NME4: variants seen among roughly 807,000 people sequenced by gnomAD.
NME4 encodes nucleoside diphosphate kinase D, mitochondrial.
NME4 carries 21 observed loss-of-function variants against 16.4 expected under a neutral mutation model. The ratio of observed to expected loss-of-function variants is 1.28; its 90% confidence interval spans 0.91 to 1.84. The LOEUF is 1.84. Among genes scored for constraint, NME4 ranks in the 40% most tolerant of loss-of-function variants. The pLI, the probability that NME4 is intolerant of heterozygous loss-of-function variation, is 0.00. For missense variants in NME4, 316 were observed against 261.3 expected (o/e 1.21, Z -1.44); for synonymous variants, 132 against 107.5 (o/e 1.23, Z -1.41).
intron 4 of NME4, 83 bp from the exon 5 acceptor site, chr16:400,136 G>A: frequency 6.6e-7 from 1 of 1,504,910 alleles, no homozygotes; most frequent in African/African-American, 1.5e-5. Context: ...TAGACAGAGG[G>A]CAACGGGAGC....
Position 400,344 on chromosome 16 carries a change from G to A in NME4, c.*2G>A, listed in dbSNP as rs1307692970. ...CACAGCAGCATCCACCCAGCCTGAG[G>A]CTCAAGCTGCCCTTACCACCCCATC... is the stretch of plus-strand genomic sequence containing the variant. On this transcript the variant is annotated 3_prime_UTR_variant, in exon 5 of 5. Transcript: ENST00000219479. 2 of 1,599,614 alleles carry A rather than the reference G, an allele frequency of 1.3e-6. No individual in the cohort carries two copies. Among genetic ancestry groups the A allele is most frequent in the Middle Eastern group, 2.2e-4 (1 of 4,478 alleles).
At chr16:398,779 G>A in intron 1 of NME4, 2 of 648,698 alleles carry the variant, frequency 3.1e-6, no homozygotes, top group East Asian at 5.6e-5. Flanking sequence ...GAGGCTAGAA[G>A]CCCTGGGGAC....
At chr16:399,805 C>A in intron 4 of NME4, 66 bp downstream of exon 4, 1 of 1,334,772 alleles carries the variant, frequency 7.5e-7, no homozygotes. Context: ...GGGGTGGTGG[C>A]AGATCCACGA....
In NME4 at chr16:397,312, G is replaced by T. The variant is rs1477432421; in HGVS notation, c.90G>T (p.Ser30=). Reference sequence around the variant, plus strand: ...CGAGCCTGCTAGTGCGCCACGGCTCGGGTGAGTGGGGCCGCGCGCCCCGGC... The same window carrying T: ...CGAGCCTGCTAGTGCGCCACGGCTCTGGTGAGTGGGGCCGCGCGCCCCGGC... ...PGPSLLVRHG[S]GGPSWTRERT... is the part of the protein sequence containing the mutation. Residue 30 remains serine, a splice_region_variant and synonymous_variant, in exon 1 of 5, where the codon TCG becomes TCT. Coordinates refer to ENST00000219479, the MANE Select transcript of NME4 (RefSeq NM_005009.3). 25 of 1,043,018 alleles carry T rather than the reference G, an allele frequency of 2.4e-5. No individual in the cohort carries two copies. Among genetic ancestry groups the T allele is most frequent in the Middle Eastern group, 4.3e-4 (1 of 2,316 alleles). The allele number at this position is 1,043,018 out of a possible 1,614,324, so 64.6% of individuals were successfully genotyped here.
chr16:399,819 C>CT, intron 4 of NME4, 80 bp downstream of exon 4: 3 of 1,196,290 alleles, frequency 2.5e-6, no homozygotes, highest in Non-Finnish European at 3.7e-6. Flanking sequence ...TCCACGAGAC[C>CT]TGGCTGTCTT....
chr16:398,180 G>A lies in NME4; in HGVS notation c.92-810G>A, dbSNP rs907682997. 4 of 1,507,238 alleles carry A rather than the reference G, an allele frequency of 2.7e-6. No individual in the cohort carries two copies. In the African/African-American group the frequency reaches 4.2e-5, roughly 16 times the overall value. 93.4% of individuals were successfully genotyped at this position (1,507,238 alleles called of 1,614,324 possible). A position where few individuals can be genotyped will look rare whatever the true frequency, so the allele number is the denominator to read the frequency against. On this transcript the variant is annotated intron_variant, in intron 1 of 4. Coordinates refer to ENST00000219479, the MANE Select transcript of NME4 (RefSeq NM_005009.3). Reference sequence around the variant, plus strand: ...TGGAGCAGCCTGGGACTATAGGAAGGTGAGGACGTCTTCTGTTTCCCTGGC... The same window carrying A: ...TGGAGCAGCCTGGGACTATAGGAAGATGAGGACGTCTTCTGTTTCCCTGGC...
Position 399,631 on chromosome 16 carries a change from G to C in NME4, c.332G>C (p.Trp111Ser), listed in dbSNP as rs2054616458. The change falls in exon 4 of 5, where the codon TGG (tryptophan) becomes TCG (serine). Residue 111 changes from tryptophan (W) to serine (S), a missense_variant. Physicochemically the swap from Trp to Ser is radical, Grantham distance 177. Transcript: ENST00000219479. ...AACCATTATCTCTCGCTGCAGGTCTGGGAAGGGTACAATGTCGTCCGCGCC... is the reference window on the plus strand; with the variant it reads ...AACCATTATCTCTCGCTGCAGGTCTCGGAAGGGTACAATGTCGTCCGCGCC... ...MSSGPVVAMVWEGYNVVRASR... is the reference protein window; with the variant it reads ...MSSGPVVAMVSEGYNVVRASR... 3 of 1,613,130 alleles carry C rather than the reference G, an allele frequency of 1.9e-6. No homozygotes were observed. Among genetic ancestry groups the C allele is most frequent in the Non-Finnish European group, 2.5e-6 (3 of 1,179,830 alleles).
At position 400,709 on chromosome 16, in the gene NME4, C is replaced by T. The variant is rs1229349005; in HGVS notation, c.*367C>T. The T allele has an allele frequency of 9.6e-6, 2 of 207,894 alleles. No individual in the cohort carries two copies. Among genetic ancestry groups the T allele is most frequent in the South Asian group, 1.5e-4 (1 of 6,820 alleles). 12.9% of individuals were successfully genotyped at this position (207,894 alleles called of 1,614,324 possible). On this transcript the variant is annotated 3_prime_UTR_variant, in exon 5 of 5. Coordinates refer to ENST00000219479, the MANE Select transcript of NME4 (RefSeq NM_005009.3). ...CTGAGGTAGAAATGACGCCTTTATG[C>T]AAGTTGTAAGGAGTTGAACAGTAAA...
rs776318193 is a variant in NME4, at chr16:399,050, G to A, written c.152G>A (p.Arg51Gln). The A allele has an allele frequency of 4.2e-5, 68 of 1,607,642 alleles. No individual in the cohort carries two copies. Among genetic ancestry groups the A allele is most frequent in the Admixed American group, 6.7e-5 (4 of 59,884 alleles). Residue 51 changes from arginine (R) to glutamine (Q), a missense_variant, in exon 2 of 5, where the codon CGG becomes CAG. By Grantham distance (43) the Arg-to-Gln change is conservative. Transcript: ENST00000219479. ...LVAVKPDGVQRRLVGDVIQRF... is the reference protein window; with the variant it reads ...LVAVKPDGVQQRLVGDVIQRF... Reference sequence around the variant, plus strand: ...GCGGTGAAGCCCGATGGCGTGCAACGGCGGCTCGTTGGGGACGTGATCCAG... The same window carrying A: ...GCGGTGAAGCCCGATGGCGTGCAACAGCGGCTCGTTGGGGACGTGATCCAG...
At chr16:399,288 C>T (rs1325447740) in intron 2 of NME4, 91 bp from the exon 3 acceptor site, 3 of 1,435,520 alleles carry the variant, frequency 2.1e-6, no homozygotes, top group Admixed American at 3.3e-5. Flanking sequence ...CTGGTGTTAT[C>T]TGCAAGGTGC....
chr16:399,314 C>T, intron 2 of NME4, 65 bp from the exon 3 acceptor site: 1 of 1,518,660 alleles, frequency 6.6e-7, no homozygotes, highest in Middle Eastern at 1.7e-4. Flanking sequence ...GTCAGGGCAT[C>T]ACAGCTGCTG....
At chr16:400,125 C>G in intron 4 of NME4, 94 bp from the exon 5 acceptor site, 1 of 1,542,278 alleles carries the variant, frequency 6.5e-7, no homozygotes, top group Non-Finnish European at 8.9e-7. Flanking sequence ...GCTTGCTCCC[C>G]TAGACAGAGG....
chr16:398,830 T>C (rs2054600527), intron 1 of NME4, 160 bp from the exon 2 acceptor site: 1 of 885,300 alleles, frequency 1.1e-6, no homozygotes, highest in Non-Finnish European at 1.7e-6. Flanking sequence ...ATCATGGGGG[T>C]GTTTGTGGCT....
rs2071914 is a variant in NME4 at position 399,554 on chromosome 16, G to C, written c.328-73G>C. 160,600 of 1,589,400 alleles carry C rather than the reference G, an allele frequency of 0.1. 9,079 individuals carry two copies. The highest frequency in any genetic ancestry group is 0.24 in the East Asian group (10,568 of 44,668). ...GGGTGTGTCTTTCCCCCCAGCAAAG[G>C]GAGGGGCCCTGGATTGAGCCCAGGG... On this transcript the variant is annotated intron_variant, in intron 3 of 4. Transcript: ENST00000219479.
At chr16:400,109 TCA>T in intron 4 of NME4, 108 bp from the exon 5 acceptor site, 1 of 1,482,588 alleles carries the variant, frequency 6.7e-7, no homozygotes, top group Non-Finnish European at 9.4e-7. Flanking sequence ...CTGTCTGCAG[TCA>T]CAGGCTTGCT....
At chr16:397,808 G>A (rs556450538) in intron 1 of NME4, 1 of 1,526,104 alleles carries the variant, frequency 6.6e-7, no homozygotes, top group Non-Finnish European at 8.8e-7. Context: ...GGGACGTCAG[G>A]CCCCAAGTCC....
intron 1 of NME4, chr16:398,777 A>G (rs1763043998): frequency 1.6e-6 from 1 of 643,266 alleles, no homozygotes; most frequent in Non-Finnish European, 2.6e-6. Context: ...GAGAGGCTAG[A>G]AGCCCTGGGG....
chr16:399,554 G>T, intron 3 of NME4, 73 bp from the exon 4 acceptor site: 1 of 1,589,990 alleles, frequency 6.3e-7, no homozygotes, highest in South Asian at 1.1e-5. Context: ...CCCAGCAAAG[G>T]GAGGGGCCCT....
chr16:397,022 T>G, upstream of NME4: 2 of 153,124 alleles, frequency 1.3e-5, no homozygotes, highest in Non-Finnish European at 2.9e-5. Context: ...GAAGGATTCA[T>G]TATTATTTTG....
Sources: gnomAD v4.1 joint callset for allele counts on GRCh38, gnomAD v4.1.1 for gene constraint, MANE v1.5 for transcripts, NCBI Gene and HGNC (gene_info 2026-07-23, HGNC 2026-07-21) for gene names.